RPH3AL: variants seen among roughly 807,000 people sequenced by gnomAD.
RPH3AL encodes the protein rabphilin 3A like (without C2 domains).
Under a neutral mutation model 43.1 loss-of-function variants are expected in RPH3AL, and 38 were observed. That is an observed-to-expected ratio of 0.88 (90% confidence interval 0.68 to 1.15). The LOEUF (loss-of-function observed/expected upper bound fraction) is 1.15, where lower values mean the gene tolerates loss of function less well. Among genes scored for constraint, RPH3AL ranks in the 50% most tolerant of loss-of-function variants. The pLI is 0.00. For synonymous variants in RPH3AL, 189 were observed against 176.3 expected, an observed-to-expected ratio of 1.07 and a Z score of -0.57; for missense variants, 462 against 423.2, an observed-to-expected ratio of 1.09 and a Z score of -0.81.
At chr17:253,258 T>C (rs951714644) in intron 6 of RPH3AL, among the ~76,000 whole-genome samples, 3 of 152,112 alleles carry the variant, frequency 2.0e-5, no homozygotes, top group Non-Finnish European at 2.9e-5. Context: ...GCCCAGCCAG[T>C]CAAGGCCCTG....
intron 5 of RPH3AL, among the ~76,000 whole-genome samples, chr17:292,571 C>G (rs1266284849): frequency 6.6e-6 from 1 of 152,140 alleles, no homozygotes; most frequent in Non-Finnish European, 1.5e-5. Flanking sequence ...GGATGCGAAC[C>G]CTGTTCAGTC....
At chr17:243,714 GATT>G (rs1567578344) in intron 7 of RPH3AL, among the ~76,000 whole-genome samples, 45 of 136,090 alleles carry the variant, frequency 3.3e-4, no homozygotes, top group African/African-American at 6.8e-4. Flanking sequence ...TTCCTCTATT[GATT>G]ACCCTTCCTC....
intron 7 of RPH3AL, among the ~76,000 whole-genome samples, chr17:226,894 TTCTC>T (rs1031793426): frequency 7.0e-4 from 106 of 152,344 alleles, no homozygotes; most frequent in African/African-American, 9.4e-4. Context: ...TACATTTTTT[TTCTC>T]TCTAATTCTC....
At position 337,122 on chromosome 17, in the gene RPH3AL, A is replaced by AC. The variant is rs1555529365; in HGVS notation, c.-212-3189_-212-3188insG. Among the ~76,000 whole-genome samples the AC allele has an allele frequency of 2.4e-3, 360 of 150,170 alleles. 3 individuals are homozygous for AC. Among genetic ancestry groups the AC allele is most frequent in the African/African-American group, 8.3e-3 (341 of 41,082 alleles). ...TACGTACATCGGTTACGCACCAATA[A>AC]TTTTTTTTTTTGAGACAGGGTCTTG... is the stretch of plus-strand genomic sequence containing the variant. On this transcript the variant is annotated intron_variant, in intron 1 of 9. Transcript: ENST00000331302.
intron 5 of RPH3AL, among the ~76,000 whole-genome samples, chr17:293,013 T>A (rs1003057155): frequency 6.6e-6 from 1 of 152,198 alleles, no homozygotes; most frequent in Non-Finnish European, 1.5e-5. Flanking sequence ...ACGTCCTCCA[T>A]CCTGGCTGCT....
At chr17:217,189 G>C in intron 8 of RPH3AL, among the ~76,000 whole-genome samples, 1 of 144,526 alleles carries the variant, frequency 6.9e-6, no homozygotes. Flanking sequence ...GCTAAAATTG[G>C]CCTCACTGAA....
rs1013096160 is a variant in RPH3AL at position 333,579 on chromosome 17, T to C, written c.-37+180A>G. The C allele has an allele frequency of 3.5e-6, 1 of 288,648 alleles. No homozygotes were observed. Among genetic ancestry groups the C allele is most frequent in the East Asian group, 7.9e-5 (1 of 12,626 alleles). 17.9% of individuals were successfully genotyped at this position (288,648 alleles called of 1,614,324 possible). ...ATGATTTTAAACTATAACTTAGTAT[T>C]CTGAATACAATACGTTTTACCATCT... On this transcript the variant is annotated intron_variant, in intron 2 of 9. Coordinates refer to ENST00000331302, the MANE Select transcript of RPH3AL (RefSeq NM_006987.4). The surrounding 1 kb of genome is among the most constrained non-coding windows in gnomAD (Gnocchi z 4.5).
chr17:292,995 C>G (rs2043081686), intron 5 of RPH3AL, among the ~76,000 whole-genome samples: 1 of 152,226 alleles, frequency 6.6e-6, no homozygotes, highest in African/African-American at 2.4e-5. Context: ...CCCTGGACTT[C>G]CCACCCCACG....
rs2041735651 is a variant in RPH3AL at position 245,365 on chromosome 17, G to A, written c.613+1746C>T. ...TGTGAGTGTGTATGTGGATGTCAGT[G>A]TGTGTGTGTGGATGTCAGTGTGTGT... On this transcript the variant is annotated intron_variant, in intron 7 of 9. Coordinates refer to ENST00000331302, the MANE Select transcript of RPH3AL (RefSeq NM_006987.4). The surrounding 1 kb of genome is among the most constrained non-coding windows in gnomAD (Gnocchi z 5.9). Among the ~76,000 whole-genome samples, 1 of 149,946 alleles carries A rather than the reference G, an allele frequency of 6.7e-6. No homozygotes were observed. Among genetic ancestry groups the A allele is most frequent in the Non-Finnish European group, 1.5e-5 (1 of 67,428 alleles).
Position 245,760 on chromosome 17 carries a change from G to A in RPH3AL, c.613+1351C>T, listed in dbSNP as rs1391324998. The stretch of plus-strand genomic sequence containing the variant: ...CCAATCTCGGGCCACTCAGTTCCAG[G>A]CTGGGCAGCCACAGTGCCCCTCAGG... On this transcript the variant is annotated intron_variant, in intron 7 of 9. Coordinates refer to ENST00000331302, the MANE Select transcript of RPH3AL (RefSeq NM_006987.4). This position sits in a 1 kb window ranked among gnomAD's most constrained non-coding sequence, Gnocchi z 5.9. Among the ~76,000 whole-genome samples the A allele has an allele frequency of 3.3e-5, 5 of 152,188 alleles. No individual in the cohort carries two copies. The highest frequency in any genetic ancestry group is 3.4e-3 in the Middle Eastern group (1 of 294).
chr17:234,856 CAGAG>C (rs1314362903), intron 7 of RPH3AL, among the ~76,000 whole-genome samples: 1 of 152,202 alleles, frequency 6.6e-6, no homozygotes, highest in Non-Finnish European at 1.5e-5. Context: ...CTCTCAGGGA[CAGAG>C]AGAGAAGGAA....
chr17:253,400 G>T (rs1408628627), intron 6 of RPH3AL, among the ~76,000 whole-genome samples: 1 of 152,190 alleles, frequency 6.6e-6, no homozygotes, highest in African/African-American at 2.4e-5. Flanking sequence ...GTGGGGCCGA[G>T]AACCTCATCT....
rs1015950185 is a variant in RPH3AL, at chr17:241,725, T to TC, written c.613+5385_613+5386insG. Reference sequence around the variant, plus strand: ...TGTTTCTTTTTCTTTTTTTTTCTTTTTTTTTTTTTTTGAGACGGAGTCTTG... The same window carrying TC: ...TGTTTCTTTTTCTTTTTTTTTCTTTTCTTTTTTTTTTTGAGACGGAGTCTTG... On this transcript the variant is annotated intron_variant, in intron 7 of 9. Coordinates refer to ENST00000331302, the MANE Select transcript of RPH3AL (RefSeq NM_006987.4). 5.1e-4 allele frequency among the ~76,000 whole-genome samples: 76 copies of TC among 150,356 alleles called. 1 individual carries two copies. Among genetic ancestry groups the TC allele is most frequent in the Admixed American group, 8.6e-4 (13 of 15,126 alleles).
At chr17:235,677 GCT>G in intron 7 of RPH3AL, among the ~76,000 whole-genome samples, 1 of 88,598 alleles carries the variant, frequency 1.1e-5, no homozygotes, top group African/African-American at 4.3e-5. Flanking sequence ...GTCAGCGGAG[GCT>G]CTACACTAAC....
chr17:271,785 G>A (rs2042469556), intron 6 of RPH3AL, among the ~76,000 whole-genome samples: 1 of 152,134 alleles, frequency 6.6e-6, no homozygotes. Flanking sequence ...GATTGCCCTG[G>A]CCAGAGCTTC....
intron 1 of RPH3AL, among the ~76,000 whole-genome samples, chr17:342,550 T>C (rs772132162): frequency 2.6e-5 from 4 of 152,232 alleles, no homozygotes; most frequent in African/African-American, 4.8e-5. Flanking sequence ...TATCGATTCA[T>C]GCTACAACAC....
At chr17:318,235 A>T (rs1479163741) in intron 5 of RPH3AL, among the ~76,000 whole-genome samples, 1 of 151,966 alleles carries the variant, frequency 6.6e-6, no homozygotes, top group African/African-American at 2.4e-5. Context: ...TTCAAAAATT[A>T]GCCGGTAGTG....
chr17:235,629 T>C (rs1365963454), intron 7 of RPH3AL, among the ~76,000 whole-genome samples: 1 of 137,592 alleles, frequency 7.3e-6, no homozygotes, highest in African/African-American at 2.7e-5. Context: ...CGGCGGAGGC[T>C]CCACACTAAC....
chr17:214,491 C>T (rs866066153), intron 9 of RPH3AL, among the ~76,000 whole-genome samples: 4 of 152,186 alleles, frequency 2.6e-5, no homozygotes, highest in Admixed American at 1.3e-4. Context: ...TTCAATTGGG[C>T]GCAGTGGCTC....
Sources: gnomAD v4.1 joint callset for allele counts (sites outside exome capture counted in the v4.1 genomes callset) on GRCh38, gnomAD v4.1.1 for gene constraint, Gnocchi (gnomAD v3.1) non-coding constraint, MANE v1.5 for transcripts, NCBI Gene and HGNC (gene_info 2026-07-23, HGNC 2026-07-21) for gene names.